TOM1L2: variants seen among roughly 807,000 people sequenced by gnomAD.
TOM1L2 encodes the protein TOM1-like protein 2.
In TOM1L2, 31 loss-of-function variants were observed where a neutral mutation model predicts 67.9. The ratio of observed to expected loss-of-function variants is 0.46; its 90% CI spans 0.34 to 0.62. TOM1L2 has a LOEUF of 0.62. TOM1L2 is among the 20% of genes least tolerant of loss of function. TOM1L2 has a pLI of 0.01. For missense variants in TOM1L2, 606 were observed against 663.5 expected (o/e 0.91, Z 0.95); for synonymous variants, 256 against 254.0 (o/e 1.01, Z -0.07).
chr17:17,869,305 AG>A, intron 8 of TOM1L2, 34 bp downstream of exon 8: 1 of 1,551,738 alleles, frequency 6.4e-7, no homozygotes, highest in Admixed American at 1.8e-5. Flanking sequence ...AATCTTTTCA[AG>A]GGAAAAAAAA....
chr17:17,963,738 A>G (rs1305021643), intron 1 of TOM1L2, among the ~76,000 whole-genome samples: 3 of 152,246 alleles, frequency 2.0e-5, no homozygotes, highest in Admixed American at 6.5e-5. Context: ...TGAAGGTCAC[A>G]AGGAAACAGA....
chr17:17,912,186 G>T lies in TOM1L2; in HGVS notation c.53-4655C>A, dbSNP rs746897087. On this transcript the variant is annotated intron_variant, in intron 1 of 14. Transcript: ENST00000379504. Reference sequence around the variant, plus strand: ...GCCGCTGGGCACACCTCCCAGACGGGGTGGTGGCCGGGCAGAGGGGCTCCT... The same window carrying T: ...GCCGCTGGGCACACCTCCCAGACGGTGTGGTGGCCGGGCAGAGGGGCTCCT... Among the ~76,000 whole-genome samples the T allele has an allele frequency of 9.2e-5, 14 of 152,332 alleles. No homozygotes were observed. In the South Asian group the frequency reaches 1.4e-3, roughly 16 times the overall value.
chr17:17,910,729 C>T (rs906090510), intron 1 of TOM1L2, among the ~76,000 whole-genome samples: 3 of 152,060 alleles, frequency 2.0e-5, no homozygotes, highest in Non-Finnish European at 2.9e-5. Flanking sequence ...GCCACCATGC[C>T]TGGCTAATTT....
intron 4 of TOM1L2, among the ~76,000 whole-genome samples, chr17:17,891,699 G>A (rs1337348357): frequency 6.6e-6 from 1 of 152,164 alleles, no homozygotes; most frequent in African/African-American, 2.4e-5. Flanking sequence ...ATGAATTCCT[G>A]GGGGTATTGA....
chr17:17,964,762 T>A (rs1003994940), intron 1 of TOM1L2, among the ~76,000 whole-genome samples: 6 of 152,000 alleles, frequency 3.9e-5, no homozygotes, highest in African/African-American at 4.8e-5. Context: ...TCAAAAAAAA[T>A]AAATAAATAA....
chr17:17,891,373 C>G (rs2038262113), intron 4 of TOM1L2, among the ~76,000 whole-genome samples: 1 of 152,192 alleles, frequency 6.6e-6, no homozygotes, highest in Non-Finnish European at 1.5e-5. Flanking sequence ...TGGGTAAAAG[C>G]TAGGAGGAGC....
chr17:17,910,689 C>T (rs1375012114), intron 1 of TOM1L2, among the ~76,000 whole-genome samples: 2 of 152,134 alleles, frequency 1.3e-5, no homozygotes, highest in Non-Finnish European at 2.9e-5. Flanking sequence ...CCTGTCTCAG[C>T]CTCCCGAGTA....
intron 1 of TOM1L2, among the ~76,000 whole-genome samples, chr17:17,945,595 C>A (rs892180663): frequency 6.6e-6 from 1 of 152,186 alleles, no homozygotes; most frequent in African/African-American, 2.4e-5. Flanking sequence ...CACATACATA[C>A]CCATCTTCTC....
intron 12 of TOM1L2, among the ~76,000 whole-genome samples, chr17:17,855,753 A>G (rs1331891953): frequency 1.3e-5 from 2 of 152,196 alleles, no homozygotes; most frequent in African/African-American, 4.8e-5. Flanking sequence ...CAATTTCTGT[A>G]GCTCAGGTGT....
At chr17:17,959,550 G>A (rs1286305208) in intron 1 of TOM1L2, among the ~76,000 whole-genome samples, 2 of 152,026 alleles carry the variant, frequency 1.3e-5, no homozygotes. Flanking sequence ...GGAGACTCTC[G>A]CTCTCTGGAA....
chr17:17,898,147 A>G (rs564355537), intron 3 of TOM1L2, among the ~76,000 whole-genome samples: 3 of 152,026 alleles, frequency 2.0e-5, no homozygotes, highest in South Asian at 2.1e-4. Context: ...GCTGGTCTTG[A>G]ACTCCTGACC....
At chr17:17,897,133 G>T (rs1568200706) in intron 3 of TOM1L2, among the ~76,000 whole-genome samples, 4 of 152,190 alleles carry the variant, frequency 2.6e-5, no homozygotes. Flanking sequence ...ATGAAGTTGG[G>T]TGTGTAAATG....
intron 7 of TOM1L2, among the ~76,000 whole-genome samples, chr17:17,874,904 GTC>G (rs1375337523): frequency 6.6e-6 from 1 of 152,202 alleles, no homozygotes; most frequent in African/African-American, 2.4e-5. Context: ...ATTTCCAGGG[GTC>G]TCTGCACAGA....
intron 7 of TOM1L2, among the ~76,000 whole-genome samples, chr17:17,877,833 C>T (rs1021942281): frequency 9.2e-5 from 14 of 151,524 alleles, no homozygotes; most frequent in African/African-American, 2.2e-4. Context: ...TGTGAGCTGA[C>T]GCCAGGAGAT....
At chr17:17,905,567 C>T (rs1445864205) in intron 2 of TOM1L2, among the ~76,000 whole-genome samples, 1 of 152,186 alleles carries the variant, frequency 6.6e-6, no homozygotes, top group Non-Finnish European at 1.5e-5. Flanking sequence ...GAGACAGGGT[C>T]TTACTCTGTC....
At chr17:17,926,848 ACT>A (rs976524321) in intron 1 of TOM1L2, among the ~76,000 whole-genome samples, 3 of 151,904 alleles carry the variant, frequency 2.0e-5, no homozygotes, top group South Asian at 2.1e-4. Flanking sequence ...ACAGAGAGGG[ACT>A]CTGTCTCAAA....
intron 8 of TOM1L2, among the ~76,000 whole-genome samples, chr17:17,868,187 C>T (rs2036961759): frequency 1.3e-5 from 2 of 152,224 alleles, no homozygotes; most frequent in Admixed American, 6.5e-5. Context: ...GTCAGGTCCC[C>T]TTATATCTGC....
At chr17:17,903,875 A>T (rs1236954133) in intron 2 of TOM1L2, among the ~76,000 whole-genome samples, 2 of 148,480 alleles carry the variant, frequency 1.3e-5, no homozygotes, top group Non-Finnish European at 3.0e-5. Context: ...TTAGTGAAAG[A>T]GGTGACGAGA....
chr17:17,871,938 A>G (rs1195978063), intron 7 of TOM1L2: 1 of 973,642 alleles, frequency 1.0e-6, no homozygotes, highest in Non-Finnish European at 1.2e-6. Context: ...ACTATCCAGT[A>G]AAGAGAAAAC....
Sources: allele counts gnomAD v4.1 joint callset (sites outside exome capture counted in the v4.1 genomes callset), GRCh38; gene constraint gnomAD v4.1.1; transcripts MANE v1.5; gene names NCBI Gene and HGNC (gene_info 2026-07-23, HGNC 2026-07-21).